NME7: variants seen among roughly 807,000 people sequenced by gnomAD.
The protein encoded by NME7 is nucleoside diphosphate kinase 7.
NME7 carries 41 observed loss-of-function variants against 49.1 expected under a neutral mutation model. That is an observed-to-expected ratio of 0.83 (90% confidence interval 0.65 to 1.08). The LOEUF (loss-of-function observed/expected upper bound fraction) is 1.08. Ranked by LOEUF, NME7 falls within the 50% of genes least tolerant of loss-of-function variation. The pLI is 0.00. For missense variants in NME7, 423 were observed against 463.4 expected, an observed-to-expected ratio of 0.91 and a Z score of 0.80; for synonymous variants, 139 against 150.6, an observed-to-expected ratio of 0.92 and a Z score of 0.56.
At chr1:169,272,698 A>C (rs943211848) in intron 7 of NME7, among the ~76,000 whole-genome samples, 1 of 132,836 alleles carries the variant, frequency 7.5e-6, no homozygotes, top group Non-Finnish European at 1.8e-5. Flanking sequence ...TCTATCATTG[A>C]TGGGCATTTG....
At chr1:169,291,800 A>G (rs1033483586) in intron 6 of NME7, among the ~76,000 whole-genome samples, 3 of 152,062 alleles carry the variant, frequency 2.0e-5, no homozygotes, top group East Asian at 1.9e-4. Flanking sequence ...GTTAGCATGC[A>G]TTTTTTAGCA....
At chr1:169,211,465 G>T (rs1660816952) in intron 10 of NME7, among the ~76,000 whole-genome samples, 1 of 152,064 alleles carries the variant, frequency 6.6e-6, no homozygotes, top group South Asian at 2.1e-4. Context: ...CATCTATCTT[G>T]TTGCTTTTGG....
rs563160267 is a variant in NME7, at chr1:169,193,470, TG to T, written c.991-23917del. Among the ~76,000 whole-genome samples the T allele has an allele frequency of 4.0e-4, 61 of 152,294 alleles. 1 individual carries two copies. The East Asian group carries it at 9.3e-3, about 23-fold the overall frequency. ...TTTACTTATTGATGGATTTGTAAGGTGGCAGGCTCTTTCATGTCCAAAAGCG... is the reference window on the plus strand; with the variant it reads ...TTTACTTATTGATGGATTTGTAAGGTGCAGGCTCTTTCATGTCCAAAAGCG... On this transcript the variant is annotated intron_variant, in intron 10 of 11. Transcript: ENST00000367811.
rs150288461 is a variant in NME7 at position 169,298,465 on chromosome 1, C to G, written c.648+91G>C. 1.4e-5 allele frequency: 18 copies of G among 1,320,564 alleles called. No homozygotes were observed. In the East Asian group the frequency reaches 4.1e-4, roughly 30 times the overall value. The allele number at this position is 1,320,564 out of a possible 1,614,324, so 81.8% of individuals were successfully genotyped here. On this transcript the variant is annotated intron_variant, in intron 6 of 11. Coordinates refer to ENST00000367811, the MANE Select transcript of NME7 (RefSeq NM_013330.5). The stretch of plus-strand genomic sequence containing the variant: ...CTACTAGAGCAGCAGCATAAATCCA[C>G]CCTAAGTCACCAGTGATAGAAATGC...
At chr1:169,238,706 G>T (rs1457388019) in intron 7 of NME7, among the ~76,000 whole-genome samples, 3 of 151,946 alleles carry the variant, frequency 2.0e-5, no homozygotes, top group Non-Finnish European at 2.9e-5. Context: ...CCAAATGAAG[G>T]CCAAATGATA....
chr1:169,198,615 C>T (rs897440322), intron 10 of NME7, among the ~76,000 whole-genome samples: 1 of 152,020 alleles, frequency 6.6e-6, no homozygotes, highest in African/African-American at 2.4e-5. Flanking sequence ...TCATGAAAGA[C>T]CACATATTAT....
rs111214370 is a variant in NME7, at chr1:169,355,062, A to G, written c.3+12646T>C. Among the ~76,000 whole-genome samples, 4 of 68,642 alleles carry G rather than the reference A, an allele frequency of 5.8e-5. 1 individual carries two copies. The highest frequency in any genetic ancestry group is 2.4e-4 in the African/African-American group (4 of 16,780). 45.0% of individuals were successfully genotyped at this position (68,642 alleles called of 152,430 possible). The stretch of plus-strand genomic sequence containing the variant: ...TTATAGATATAATATATAATATACT[A>G]TATATTATAGATATAATATATAATA... On this transcript the variant is annotated intron_variant, in intron 1 of 11. Coordinates refer to ENST00000367811, the MANE Select transcript of NME7 (RefSeq NM_013330.5).
At chr1:169,164,310 A>G (rs1659342018) in intron 11 of NME7, among the ~76,000 whole-genome samples, 1 of 152,114 alleles carries the variant, frequency 6.6e-6, no homozygotes, top group Admixed American at 6.5e-5. Context: ...TCTTTCAAAA[A>G]TCACTTATTG....
intron 7 of NME7, among the ~76,000 whole-genome samples, chr1:169,254,834 TC>T (rs59229530): frequency 0.013 from 1,663 of 131,544 alleles, 158 homozygotes; most frequent in African/African-American, 0.041. Flanking sequence ...CAGTAGTCAT[TC>T]AGGAGCAGGT....
chr1:169,308,274 T>C (rs181623889), intron 4 of NME7, among the ~76,000 whole-genome samples: 70 of 152,266 alleles, frequency 4.6e-4, no homozygotes, highest in South Asian at 3.3e-3. Context: ...ATCAGATGTA[T>C]TGAAGCTGAC....
At chr1:169,133,304 T>TAAC (rs1248258901) in intron 11 of NME7, among the ~76,000 whole-genome samples, 1 of 152,224 alleles carries the variant, frequency 6.6e-6, no homozygotes, top group Non-Finnish European at 1.5e-5. Flanking sequence ...ATCACTTAAC[T>TAAC]AACATGGGAA....
intron 10 of NME7, among the ~76,000 whole-genome samples, chr1:169,180,195 C>T (rs984262705): frequency 6.6e-6 from 1 of 152,120 alleles, no homozygotes; most frequent in African/African-American, 2.4e-5. Context: ...AAGATAATGC[C>T]CATAAAATGT....
rs115050209 is a variant in NME7, at chr1:169,298,024, G to A, written c.648+532C>T. On this transcript the variant is annotated intron_variant, in intron 6 of 11. Coordinates refer to ENST00000367811, the MANE Select transcript of NME7 (RefSeq NM_013330.5). ...CTACCTTAAGTGAGACACTTCTCAC[G>A]ATGCTAAAAATAAACTTACACTTCT... Among the ~76,000 whole-genome samples the A allele has an allele frequency of 3.9e-3, 598 of 152,204 alleles. 6 individuals carry two copies. Among genetic ancestry groups the A allele is most frequent in the Middle Eastern group, 0.017 (5 of 294 alleles).
chr1:169,314,671 T>C (rs2066000), intron 3 of NME7, among the ~76,000 whole-genome samples: 96,156 of 151,800 alleles, frequency 0.63, 30,750 homozygotes, highest in East Asian at 0.92. Flanking sequence ...GCCTAGATGA[T>C]AGGTTGAAAG....
chr1:169,132,770 T>C lies in NME7; in HGVS notation c.*15A>G, dbSNP rs1444942931. On this transcript the variant is annotated 3_prime_UTR_variant, in exon 12 of 12. Transcript: ENST00000367811. Reference sequence around the variant, plus strand: ...CTAAATGTCCCAACCTGTGACTTCTTTACTTTCCACACCACTAATTATCCA... The same window carrying C: ...CTAAATGTCCCAACCTGTGACTTCTCTACTTTCCACACCACTAATTATCCA... The C allele has an allele frequency of 1.9e-6, 3 of 1,611,946 alleles. No homozygotes were observed. The highest frequency in any genetic ancestry group is 2.5e-6 in the Non-Finnish European group (3 of 1,178,588).
intron 5 of NME7, among the ~76,000 whole-genome samples, chr1:169,301,776 G>C (rs1650951241): frequency 1.3e-5 from 2 of 152,062 alleles, no homozygotes; most frequent in Non-Finnish European, 2.9e-5. Context: ...CAATAATATG[G>C]ACACAATTGG....
intron 10 of NME7, among the ~76,000 whole-genome samples, chr1:169,223,786 TAGAG>T (rs202096714): frequency 2.4e-4 from 36 of 150,208 alleles, no homozygotes; most frequent in African/African-American, 3.9e-4. Flanking sequence ...TATATATATA[TAGAG>T]AGAGAGAGAG....
intron 7 of NME7, among the ~76,000 whole-genome samples, chr1:169,238,573 G>A (rs1207967659): frequency 1.3e-5 from 2 of 151,370 alleles, no homozygotes; most frequent in African/African-American, 2.4e-5. Context: ...TGTACTATTA[G>A]TGTCTGAATG....
intron 3 of NME7, among the ~76,000 whole-genome samples, chr1:169,316,603 A>T (rs908088541): frequency 6.6e-6 from 1 of 152,176 alleles, no homozygotes; most frequent in Non-Finnish European, 1.5e-5. Flanking sequence ...ATCTCATCAC[A>T]TGAGTCCCTA....
Sources: allele counts gnomAD v4.1 joint callset (sites outside exome capture counted in the v4.1 genomes callset), GRCh38; gene constraint gnomAD v4.1.1; transcripts MANE v1.5; gene names NCBI Gene and HGNC (gene_info 2026-07-23, HGNC 2026-07-21).